Variants in PAK5 observed in about 807,000 individuals in gnomAD.
PAK5 encodes serine/threonine-protein kinase PAK 5.
Under a neutral mutation model 65.9 loss-of-function variants are expected in PAK5, and 16 were observed. The observed-to-expected ratio is 0.24, with a 90% CI of 0.16 to 0.37. PAK5 has a LOEUF of 0.37. PAK5 is among the 10% of genes least tolerant of loss of function. The pLI is 1.00. For synonymous variants in PAK5, 371 were observed against 354.9 expected, an observed-to-expected ratio of 1.05 and a Z score of -0.51; for missense variants, 785 against 903.9, an observed-to-expected ratio of 0.87 and a Z score of 1.69.
intron 1 of PAK5, among the ~76,000 whole-genome samples, chr20:9,725,436 G>A (rs559879278): frequency 6.6e-6 from 1 of 152,108 alleles, no homozygotes; most frequent in Non-Finnish European, 1.5e-5. Context: ...TGGAAGAAAA[G>A]CTAAGAAATA....
chr20:9,609,807 C>G (rs1312583985), intron 3 of PAK5, among the ~76,000 whole-genome samples: 1 of 152,128 alleles, frequency 6.6e-6, no homozygotes, highest in African/African-American at 2.4e-5. Context: ...ATTATGTCTT[C>G]CTGTTTAAAA....
At chr20:9,579,789 A>G (rs374771840) in intron 4 of PAK5, among the ~76,000 whole-genome samples, 3 of 152,192 alleles carry the variant, frequency 2.0e-5, no homozygotes, top group African/African-American at 7.2e-5. Context: ...CTAATGCTCT[A>G]TGATTGTATA....
At chr20:9,612,169 G>A (rs1014038280) in intron 3 of PAK5, among the ~76,000 whole-genome samples, 1 of 152,142 alleles carries the variant, frequency 6.6e-6, no homozygotes, top group Non-Finnish European at 1.5e-5. Context: ...TCTCAATGAG[G>A]CCCGTCCTCT....
intron 2 of PAK5, among the ~76,000 whole-genome samples, chr20:9,688,681 A>G (rs1309744177): frequency 6.6e-6 from 1 of 152,026 alleles, no homozygotes; most frequent in Non-Finnish European, 1.5e-5. Flanking sequence ...GCATGAACAC[A>G]GGATGGGGTG....
chr20:9,605,151 C>A (rs1347441197), intron 3 of PAK5, among the ~76,000 whole-genome samples: 1 of 152,184 alleles, frequency 6.6e-6, no homozygotes, highest in African/African-American at 2.4e-5. Flanking sequence ...CCCTGCAGAG[C>A]CATGTCAAAT....
rs778270318 is a variant in PAK5 at position 9,718,254 on chromosome 20, C to T, written c.-161-6819G>A. 4.9e-4 allele frequency among the ~76,000 whole-genome samples: 75 copies of T among 152,126 alleles called. 1 individual carries two copies. The highest frequency in any genetic ancestry group is 3.9e-4 in the East Asian group (2 of 5,146). ...GAAGGAAGATTTACTATCAGCTCTA[C>T]TAGTATAAACAGTCTCTGCATGCTT... On this transcript the variant is annotated intron_variant, in intron 1 of 9. Transcript: ENST00000353224.
Position 9,562,940 on chromosome 20 carries a change from T to C in PAK5, c.1567A>G (p.Met523Val). The C allele has an allele frequency of 6.2e-7, 1 of 1,613,816 alleles. No homozygotes were observed. Among genetic ancestry groups the C allele is most frequent in the Non-Finnish European group, 8.5e-7 (1 of 1,179,734 alleles). ...YLVGDELWVV[M>V]EFLEGGALTD... ...AAGGCACCACCTTCTAGAAACTCCATGACCACCCAGAGCTCATCGCCGACA... is the reference window on the plus strand; with the variant it reads ...AAGGCACCACCTTCTAGAAACTCCACGACCACCCAGAGCTCATCGCCGACA... Residue 523 changes from methionine (M) to valine (V), a missense_variant, in exon 6 of 10, where the codon ATG becomes GTG. Around this residue, in one of 4 missense-constraint regions of PAK5, gnomAD observed 182 missense variants for 273.0 expected, o/e 0.67. Transcript: ENST00000353224.
At chr20:9,595,092 C>T (rs886837805) in intron 3 of PAK5, among the ~76,000 whole-genome samples, 84 of 150,384 alleles carry the variant, frequency 5.6e-4, no homozygotes, top group African/African-American at 2.0e-3. Context: ...TATATATACA[C>T]ATATACATAT....
At chr20:9,773,529 G>C (rs1194876259) in intron 1 of PAK5, among the ~76,000 whole-genome samples, 3 of 152,002 alleles carry the variant, frequency 2.0e-5, no homozygotes, top group Non-Finnish European at 4.4e-5. Flanking sequence ...CTTATAACTA[G>C]TTCATAAGTG....
At chr20:9,756,982 C>A (rs577896610) in intron 1 of PAK5, among the ~76,000 whole-genome samples, 1 of 152,132 alleles carries the variant, frequency 6.6e-6, no homozygotes, top group African/African-American at 2.4e-5. Flanking sequence ...AGCTTTCTTG[C>A]CTTTCACTTG....
chr20:9,807,789 T>TAATAATAATAAA (rs764526093), intron 1 of PAK5, among the ~76,000 whole-genome samples: 2 of 150,262 alleles, frequency 1.3e-5, no homozygotes, highest in Non-Finnish European at 3.0e-5. Context: ...ATAATAATAA[T>TAATAATAATAAA]AAATCCAGTG....
At chr20:9,724,960 G>C (rs2048259420) in intron 1 of PAK5, among the ~76,000 whole-genome samples, 1 of 152,222 alleles carries the variant, frequency 6.6e-6, no homozygotes, top group Admixed American at 6.5e-5. Context: ...CATTTACCCT[G>C]ATGTGATTAT....
At position 9,839,064 on chromosome 20, in the gene PAK5, T is replaced by C. The variant is rs929880570; in HGVS notation, c.-464A>G. 6.7e-6 allele frequency: 1 copy of C among 148,976 alleles called. No individual in the cohort carries two copies. Among genetic ancestry groups the C allele is most frequent in the Non-Finnish European group, 1.5e-5 (1 of 67,246 alleles). The allele number at this position is 148,976 out of a possible 1,614,324, so 9.2% of individuals were successfully genotyped here. ...TCGTGGCAGCCGGCGGGAGGCAGGC[T>C]GTAGCGGCGGCCGGGGGTGGAGGTG... On this transcript the variant is annotated 5_prime_UTR_variant, in exon 1 of 10. Coordinates refer to ENST00000353224, the MANE Select transcript of PAK5 (RefSeq NM_177990.4).
chr20:9,610,170 A>T (rs944186025), intron 3 of PAK5, among the ~76,000 whole-genome samples: 3 of 152,208 alleles, frequency 2.0e-5, no homozygotes, highest in Non-Finnish European at 4.4e-5. Flanking sequence ...CCATACGCAA[A>T]GCCGAATGTA....
chr20:9,590,938 A>C (rs894073839), intron 3 of PAK5, among the ~76,000 whole-genome samples: 1 of 152,214 alleles, frequency 6.6e-6, no homozygotes, highest in East Asian at 1.9e-4. Context: ...TGTTGTGGGC[A>C]TAAACAAGAA....
intron 2 of PAK5, among the ~76,000 whole-genome samples, chr20:9,667,095 G>T (rs564256361): frequency 2.0e-4 from 30 of 152,230 alleles, no homozygotes; most frequent in African/African-American, 7.2e-4. Context: ...TGGCCAACAT[G>T]GTGAAACCCT....
chr20:9,698,409 C>A (rs1481802438), intron 2 of PAK5, among the ~76,000 whole-genome samples: 1 of 152,106 alleles, frequency 6.6e-6, no homozygotes, highest in Non-Finnish European at 1.5e-5. Flanking sequence ...TGTATAGCTC[C>A]TTTTCTCCCC....
chr20:9,700,827 C>T (rs1257377252), intron 2 of PAK5, among the ~76,000 whole-genome samples: 2 of 152,182 alleles, frequency 1.3e-5, no homozygotes, highest in South Asian at 4.1e-4. Context: ...AGATTCAGCA[C>T]ATAGGGCGCC....
chr20:9,733,362 C>A (rs765635160), intron 1 of PAK5, among the ~76,000 whole-genome samples: 24 of 151,834 alleles, frequency 1.6e-4, no homozygotes, highest in Admixed American at 1.3e-4. Flanking sequence ...TTAGCATATT[C>A]AACACCTCAC....
Sources: allele counts gnomAD v4.1 joint callset (sites outside exome capture counted in the v4.1 genomes callset), GRCh38; gene constraint gnomAD v4.1.1; regional missense constraint gnomAD v4.1.1; transcripts MANE v1.5; gene names NCBI Gene and HGNC (gene_info 2026-07-23, HGNC 2026-07-21).